FAAH2: variants seen among roughly 807,000 people sequenced by gnomAD.
FAAH2 encodes fatty-acid amide hydrolase 2.
Under a neutral mutation model 36.9 loss-of-function variants are expected in FAAH2, and 60 were observed. The ratio of observed to expected loss-of-function variants is 1.63; its 90% CI spans 1.32 to 2.02. The LOEUF is 2.02. Ranked by LOEUF, FAAH2 falls within the 30% of genes most tolerant of loss-of-function variation. The probability of loss-of-function intolerance (pLI) is 0.00; values close to 1 mark genes in which losing one functional copy is unlikely to be tolerated. For missense variants in FAAH2, 689 were observed against 397.5 expected, an observed-to-expected ratio of 1.73 and a Z score of -6.23; for synonymous variants, 214 against 143.8, an observed-to-expected ratio of 1.49 and a Z score of -3.49.
chrX:57,478,646 T>A (rs1166480328), intron 10 of FAAH2, among the ~76,000 whole-genome samples: 1 of 111,846 alleles, frequency 8.9e-6, no homozygotes, highest in African/African-American at 3.3e-5. Context: ...CTTTAATCCA[T>A]CTTGAATTAA....
chrX:57,412,178 T>A (rs1419987516), intron 7 of FAAH2, among the ~76,000 whole-genome samples: 4 of 112,090 alleles, frequency 3.6e-5, no homozygotes, highest in Non-Finnish European at 5.6e-5. Flanking sequence ...ATAGTCACCT[T>A]ATTGTGATAC....
At chrX:57,211,763 A>G in the FAAH2 span, among the ~76,000 whole-genome samples, 1 of 111,893 alleles carries the variant, frequency 8.9e-6, no homozygotes, top group African/African-American at 3.3e-5. Context: ...CCCATGCAGG[A>G]CATTATTACC....
At position 57,443,680 on chromosome X, in the gene FAAH2, A is replaced by T. The variant is rs775381053; in HGVS notation, c.1117-3248A>T. On this transcript the variant is annotated intron_variant, in intron 8 of 10. Coordinates refer to ENST00000374900, the MANE Select transcript of FAAH2 (RefSeq NM_174912.4). ...GAGGAGCTGCATTCCTTTGGAGGAG[A>T]AGAGGTGCTCTGATTTTTAGAATTT... is the stretch of plus-strand genomic sequence containing the variant. Among the ~76,000 whole-genome samples the T allele has an allele frequency of 2.7e-5, 3 of 111,626 alleles. No individual in the cohort carries two copies. In the South Asian group the frequency reaches 1.1e-3, roughly 42 times the overall value.
chrX:57,299,958 G>C (rs1206730880), intron 2 of FAAH2, among the ~76,000 whole-genome samples: 2 of 111,297 alleles, frequency 1.8e-5, no homozygotes, highest in Non-Finnish European at 3.8e-5. Flanking sequence ...AATAAAAGAG[G>C]ATACAAACAA....
chrX:57,478,858 G>T (rs971010117), intron 10 of FAAH2, among the ~76,000 whole-genome samples: 3 of 111,342 alleles, frequency 2.7e-5, no homozygotes, highest in African/African-American at 9.8e-5. Flanking sequence ...TCTCTGTTTT[G>T]GTACCAATAC....
the FAAH2 span, among the ~76,000 whole-genome samples, chrX:57,164,108 G>T: frequency 6.3e-5 from 7 of 111,905 alleles, no homozygotes; most frequent in Non-Finnish European, 1.1e-4. Flanking sequence ...CAATATACCT[G>T]ACTTTAAAAT....
At chrX:57,141,020 C>G in the FAAH2 span, among the ~76,000 whole-genome samples, 1 of 111,997 alleles carries the variant, frequency 8.9e-6, no homozygotes. Flanking sequence ...TGTTCCAGGT[C>G]ATAGACAAAA....
chrX:57,428,103 T>C (rs964393189), intron 7 of FAAH2, among the ~76,000 whole-genome samples: 6 of 111,868 alleles, frequency 5.4e-5, no homozygotes, highest in African/African-American at 1.9e-4. Flanking sequence ...CCAGTAATAA[T>C]CAAGCTTAGA....
intron 7 of FAAH2, among the ~76,000 whole-genome samples, chrX:57,388,095 A>G (rs1483030779): frequency 2.7e-5 from 3 of 111,731 alleles, no homozygotes; most frequent in African/African-American, 9.7e-5. Flanking sequence ...AATAGCCAAG[A>G]AGAAATGAAA....
At chrX:57,186,083 C>T in the FAAH2 span, among the ~76,000 whole-genome samples, 1 of 111,516 alleles carries the variant, frequency 9.0e-6, no homozygotes. Flanking sequence ...TGGGTTTATA[C>T]TCAGTAATGG....
intron 8 of FAAH2, among the ~76,000 whole-genome samples, chrX:57,434,552 G>T (rs753795931): frequency 1.8e-5 from 2 of 109,213 alleles, no homozygotes; most frequent in African/African-American, 6.7e-5. Flanking sequence ...GCAGAAGGAA[G>T]ACTCTCGAAA....
chrX:57,255,027 C>T, the FAAH2 span, among the ~76,000 whole-genome samples: 7 of 110,647 alleles, frequency 6.3e-5, no homozygotes. Flanking sequence ...GACCACTAGC[C>T]TAGCAAGACT....
chrX:57,480,994 T>C (rs2057369052), intron 10 of FAAH2, among the ~76,000 whole-genome samples: 2 of 109,871 alleles, frequency 1.8e-5, no homozygotes, highest in African/African-American at 6.6e-5. Context: ...AGTAAGGTGA[T>C]TTTCAATCTC....
chrX:57,300,095 G>T (rs1048159204), intron 2 of FAAH2, among the ~76,000 whole-genome samples: 1 of 111,265 alleles, frequency 9.0e-6, no homozygotes, highest in Non-Finnish European at 1.9e-5. Flanking sequence ...TCACAGAATT[G>T]GAAAAAACTA....
intron 5 of FAAH2, among the ~76,000 whole-genome samples, chrX:57,375,201 C>T (rs1350712320): frequency 9.2e-6 from 1 of 109,197 alleles, no homozygotes; most frequent in African/African-American, 3.3e-5. Context: ...ATGTTATGTC[C>T]TTTCTGGTTT....
At chrX:57,356,913 AT>A (rs779951660) in intron 5 of FAAH2, among the ~76,000 whole-genome samples, 1 of 110,595 alleles carries the variant, frequency 9.0e-6, no homozygotes, top group South Asian at 3.8e-4. Context: ...TACATTAGGT[AT>A]TTTTTCTACT....
chrX:57,453,412 C>T (rs766640142), intron 10 of FAAH2, among the ~76,000 whole-genome samples: 29 of 112,550 alleles, frequency 2.6e-4, no homozygotes, highest in Non-Finnish European at 4.5e-4. Context: ...GCTTCCAGCC[C>T]AGCAGTTCCT....
At chrX:57,423,205 C>T (rs1288194708) in intron 7 of FAAH2, among the ~76,000 whole-genome samples, 1 of 111,956 alleles carries the variant, frequency 8.9e-6, no homozygotes, top group Non-Finnish European at 1.9e-5. Context: ...TAGAGAACTG[C>T]ACGGAAATCT....
chrX:57,207,518 G>A, the FAAH2 span, among the ~76,000 whole-genome samples: 10 of 111,974 alleles, frequency 8.9e-5, no homozygotes, highest in Non-Finnish European at 1.7e-4. Flanking sequence ...CCAATAAGCT[G>A]CTTTGCCTTG....
Sources: gnomAD v4.1 joint callset for allele counts (sites outside exome capture counted in the v4.1 genomes callset) on GRCh38, gnomAD v4.1.1 for gene constraint, MANE v1.5 for transcripts, NCBI Gene and HGNC (gene_info 2026-07-23, HGNC 2026-07-21) for gene names.